Variants in PTGR1 observed in about 807,000 individuals in gnomAD.
PTGR1 encodes 15-oxoprostaglandin 13-reductase.
In PTGR1, 23 loss-of-function variants were observed where a neutral mutation model predicts 37.7. The ratio of observed to expected loss-of-function variants is 0.61; its 90% confidence interval spans 0.44 to 0.86. The LOEUF (loss-of-function observed/expected upper bound fraction) is 0.86, where lower values mean the gene tolerates loss of function less well. Among genes scored for constraint, PTGR1 ranks in the 40% least tolerant of loss-of-function variants. The pLI is 0.00. For missense variants in PTGR1, 351 were observed against 394.3 expected (o/e 0.89, Z 0.93); for synonymous variants, 134 against 140.0 (o/e 0.96, Z 0.30).
intron 9 of PTGR1, among the ~76,000 whole-genome samples, chr9:111,569,380 A>G (rs535107373): frequency 6.6e-5 from 10 of 152,340 alleles, no homozygotes; most frequent in Admixed American, 3.9e-4. Context: ...GGAAGAAAGC[A>G]TATCAAGGAG....
At chr9:111,560,626 G>C (rs1384226950), downstream of PTGR1, among the ~76,000 whole-genome samples, 2 of 96,578 alleles carry the variant, frequency 2.1e-5, no homozygotes, top group South Asian at 4.1e-4. Flanking sequence ...GGGAGACAGA[G>C]ACACCATCTC....
intron 6 of PTGR1, among the ~76,000 whole-genome samples, chr9:111,579,639 C>T (rs776318957): frequency 3.9e-5 from 6 of 152,040 alleles, no homozygotes; most frequent in Admixed American, 2.0e-4. Context: ...CTCAAGTGAT[C>T]CTTCTGCCTT....
At chr9:111,554,435 C>T (rs1828062182) in intron 9 of PTGR1, among the ~76,000 whole-genome samples, 1 of 152,212 alleles carries the variant, frequency 6.6e-6, no homozygotes, top group South Asian at 2.1e-4. Context: ...ACAGTCTGTT[C>T]TTTCGGTCAC....
downstream of PTGR1, among the ~76,000 whole-genome samples, chr9:111,560,427 T>C (rs1828239850): frequency 7.3e-6 from 1 of 137,390 alleles, no homozygotes; most frequent in Non-Finnish European, 1.5e-5. Context: ...TGAGCCGAGA[T>C]CAGGCCACTG....
At chr9:111,596,138 C>G (rs1829772818) in intron 2 of PTGR1, among the ~76,000 whole-genome samples, 1 of 152,186 alleles carries the variant, frequency 6.6e-6, no homozygotes, top group African/African-American at 2.4e-5. Context: ...ACACTGAGAA[C>G]CCTGGAAAGG....
chr9:111,576,516 A>T (rs543132407), intron 7 of PTGR1: 1 of 1,504,956 alleles, frequency 6.6e-7, no homozygotes, highest in African/African-American at 1.4e-5. Flanking sequence ...GAAGAGCTGG[A>T]TGGAGTATGA....
intron 7 of PTGR1, chr9:111,576,473 A>G (rs1829060329): frequency 1.2e-6 from 2 of 1,609,378 alleles, no homozygotes; most frequent in Admixed American, 1.7e-5. Context: ...GGATGGGGCC[A>G]CTGCAGTGCA....
In PTGR1 at chr9:111,578,862, C is replaced by T. The variant is rs533859571; in HGVS notation, c.585G>A (p.Thr195=). The T allele has an allele frequency of 4.3e-5, 69 of 1,612,728 alleles. No homozygotes were observed. The highest frequency in any genetic ancestry group is 1.3e-4 in the Admixed American group (8 of 59,818). ...LGFDVVFNYK[T]VESLEETLKK... ...TCAAGGTTTCTTCCAAAGACTCTAC[C>T]GTCTTGTAGTTAAAGACGACATCAA... The change falls in exon 7 of 10, where the codon ACG becomes ACA. Residue 195 remains threonine (T), a synonymous_variant. Coordinates refer to ENST00000407693, the MANE Select transcript of PTGR1 (RefSeq NM_001146108.2).
chr9:111,563,760 C>T (rs79203838), intron 9 of PTGR1: 3,993 of 152,752 alleles, frequency 0.026, 99 homozygotes, highest in East Asian at 0.12. Flanking sequence ...CCTGCCTCGG[C>T]CTCCCAAAGT....
At chr9:111,551,481 C>T (rs2132281668) in intron 9 of PTGR1, among the ~76,000 whole-genome samples, 1 of 146,662 alleles carries the variant, frequency 6.8e-6, no homozygotes, top group South Asian at 2.2e-4. Flanking sequence ...AATCTTGGTC[C>T]ACTGCAACCT....
chr9:111,576,338 C>A, intron 7 of PTGR1: 1 of 1,612,910 alleles, frequency 6.2e-7, no homozygotes, highest in South Asian at 1.1e-5. Context: ...AACCAGTACT[C>A]ACTAAGCTTT....
At chr9:111,553,560 C>A (rs998643729) in intron 9 of PTGR1, among the ~76,000 whole-genome samples, 10 of 152,132 alleles carry the variant, frequency 6.6e-5, no homozygotes, top group Non-Finnish European at 5.9e-5. Flanking sequence ...AAAAAATCAT[C>A]TGAACTCAAA....
rs1169844630 is a variant in PTGR1 at position 111,585,887 on chromosome 9, T to C, written c.377+111A>G. 18 of 1,262,582 alleles carry C rather than the reference T, an allele frequency of 1.4e-5. No homozygotes were observed. In the East Asian group the frequency reaches 4.0e-4, roughly 28 times the overall value. The allele number at this position is 1,262,582 out of a possible 1,614,324, so 78.2% of individuals were successfully genotyped here. ...CCTGCCCTCTTCTCTGATCAGCCCCTGAGCCTATCATGCATCAAATATCTT... is the reference window on the plus strand; with the variant it reads ...CCTGCCCTCTTCTCTGATCAGCCCCCGAGCCTATCATGCATCAAATATCTT... On this transcript the variant is annotated intron_variant, in intron 5 of 9. Transcript: ENST00000407693.
intron 9 of PTGR1, among the ~76,000 whole-genome samples, chr9:111,553,939 C>A (rs1828044079): frequency 6.6e-6 from 1 of 152,290 alleles, no homozygotes; most frequent in East Asian, 1.9e-4. Context: ...ATTTTGTAGT[C>A]ATGCTGTGTG....
downstream of PTGR1, among the ~76,000 whole-genome samples, chr9:111,561,011 A>AGGG (rs1828281160): frequency 1.2e-5 from 1 of 84,338 alleles, no homozygotes; most frequent in African/African-American, 5.3e-5. Context: ...AGAGAGAGAG[A>AGGG]GAGAGAGGTG....
intron 4 of PTGR1, 109 bp from the exon 5 acceptor site, chr9:111,586,274 T>C (rs1829425983): frequency 9.7e-7 from 1 of 1,035,990 alleles, no homozygotes; most frequent in South Asian, 1.5e-5. Context: ...GAGGTTGATA[T>C]TCCACAACTG....
intron 7 of PTGR1, among the ~76,000 whole-genome samples, chr9:111,578,001 G>C (rs933860359): frequency 7.6e-6 from 1 of 131,838 alleles, no homozygotes; most frequent in Non-Finnish European, 1.7e-5. Flanking sequence ...AGCGTTTTTT[G>C]GGGGGGGTGA....
chr9:111,562,268 GCAGTAA>G (rs1242076687), downstream of PTGR1, among the ~76,000 whole-genome samples: 1 of 147,762 alleles, frequency 6.8e-6, no homozygotes, highest in Non-Finnish European at 1.5e-5. Flanking sequence ...GGTCACAGAA[GCAGTAA>G]ACTTTTTTTT....
chr9:111,591,325 G>A (rs1829611557), intron 4 of PTGR1, among the ~76,000 whole-genome samples: 1 of 148,010 alleles, frequency 6.8e-6, no homozygotes. Flanking sequence ...AAAATAAAAT[G>A]AAATTTATTT....
Sources: allele counts gnomAD v4.1 joint callset (sites outside exome capture counted in the v4.1 genomes callset), GRCh38; gene constraint gnomAD v4.1.1; transcripts MANE v1.5; gene names NCBI Gene and HGNC (gene_info 2026-07-23, HGNC 2026-07-21).